DPYD: variants seen among roughly 807,000 people sequenced by gnomAD.
DPYD encodes dihydropyrimidine dehydrogenase.
Under a neutral mutation model 116.2 loss-of-function variants are expected in DPYD, and 109 were observed. The ratio of observed to expected loss-of-function variants is 0.94; its 90% CI spans 0.80 to 1.10. The LOEUF is 1.10. Ranked by LOEUF, DPYD falls within the 50% of genes least tolerant of loss-of-function variation. The pLI, the probability that DPYD is intolerant of heterozygous loss-of-function variation, is 0.00. For missense variants in DPYD, 1,302 were observed against 1,254.5 expected, an observed-to-expected ratio of 1.04 and a Z score of -0.57; for synonymous variants, 440 against 432.0, an observed-to-expected ratio of 1.02 and a Z score of -0.23.
In DPYD at chr1:97,082,373, T is replaced by C. The variant is rs762779297; in HGVS notation, c.2864A>G (p.Asn955Ser). The C allele has an allele frequency of 1.1e-5, 18 of 1,613,506 alleles. No homozygotes were observed. Among genetic ancestry groups the C allele is most frequent in the East Asian group, 2.2e-5 (1 of 44,850 alleles). ...VAMIDEEMCI[N>S]CGKCYMTCND... ...ACAGGTCATGTAGCATTTACCACAGTTGATACACATTTCTTCATCAATCAT... is the reference window on the plus strand; with the variant it reads ...ACAGGTCATGTAGCATTTACCACAGCTGATACACATTTCTTCATCAATCAT... The change falls in exon 22 of 23, where the codon AAC (asparagine) becomes AGC (serine). Residue 955 changes from asparagine to serine, a missense_variant. Physicochemically the swap from Asn to Ser is conservative, Grantham distance 46. Coordinates refer to ENST00000370192, the MANE Select transcript of DPYD (RefSeq NM_000110.4).
chr1:97,330,703 C>G (rs1203204607), intron 16 of DPYD, among the ~76,000 whole-genome samples: 1 of 152,090 alleles, frequency 6.6e-6, no homozygotes, highest in Admixed American at 6.6e-5. Flanking sequence ...CCTTGGATAA[C>G]CTTTTGGGAA....
intron 12 of DPYD, among the ~76,000 whole-genome samples, chr1:97,519,819 T>C (rs1648506093): frequency 6.6e-6 from 1 of 152,162 alleles, no homozygotes; most frequent in South Asian, 2.1e-4. Context: ...AAATACTTTG[T>C]GCCTCCCTAC....
At position 97,574,104 on chromosome 1, in the gene DPYD, G is replaced by A. The variant is rs539210977; in HGVS notation, c.1129-134C>T. The A allele has an allele frequency of 4.9e-6, 7 of 1,439,062 alleles. No homozygotes were observed. In the African/African-American group the frequency reaches 5.7e-5, roughly 12 times the overall value. 89.1% of individuals were successfully genotyped at this position (1,439,062 alleles called of 1,614,324 possible). On this transcript the variant is annotated intron_variant, in intron 10 of 22. Transcript: ENST00000370192. ...TGCAGCTTTTTCTTTCACCAAACCTGAGTTTCAGTTACCAGTTATTTGCAT... is the reference window on the plus strand; with the variant it reads ...TGCAGCTTTTTCTTTCACCAAACCTAAGTTTCAGTTACCAGTTATTTGCAT...
chr1:97,592,191 T>C (rs1040347491), intron 10 of DPYD, among the ~76,000 whole-genome samples: 1 of 152,210 alleles, frequency 6.6e-6, no homozygotes, highest in Non-Finnish European at 1.5e-5. Context: ...AAATGAGTAA[T>C]TTATCTTTCT....
At chr1:97,472,719 T>A (rs1209182422) in intron 13 of DPYD, among the ~76,000 whole-genome samples, 1 of 152,198 alleles carries the variant, frequency 6.6e-6, no homozygotes, top group African/African-American at 2.4e-5. Context: ...AATTTGATTA[T>A]AAAACCATAA....
chr1:97,254,525 C>A (rs1346583312), intron 18 of DPYD, among the ~76,000 whole-genome samples: 1 of 151,882 alleles, frequency 6.6e-6, no homozygotes. Context: ...TACCTATCAA[C>A]AGAAAGAGAA....
intron 13 of DPYD, among the ~76,000 whole-genome samples, chr1:97,504,244 C>T (rs1031031828): frequency 2.0e-5 from 3 of 151,796 alleles, no homozygotes; most frequent in African/African-American, 7.3e-5. Flanking sequence ...GTTGGTGCAC[C>T]GTATACAGTG....
At chr1:97,468,499 T>C (rs1255514758) in intron 13 of DPYD, among the ~76,000 whole-genome samples, 4 of 152,128 alleles carry the variant, frequency 2.6e-5, no homozygotes, top group Admixed American at 1.3e-4. Context: ...TAACAGAAAG[T>C]GTGCCTTCAC....
intron 18 of DPYD, among the ~76,000 whole-genome samples, chr1:97,279,572 G>A (rs1665171669): frequency 6.6e-6 from 1 of 152,158 alleles, no homozygotes; most frequent in Admixed American, 6.6e-5. Flanking sequence ...GTGCAGTGGT[G>A]CGATCTTGGG....
At chr1:97,316,938 TG>T (rs904850922) in intron 16 of DPYD, among the ~76,000 whole-genome samples, 17 of 150,748 alleles carry the variant, frequency 1.1e-4, no homozygotes, top group South Asian at 4.2e-4. Context: ...AATTTTATCA[TG>T]TTTTTTTTGT....
intron 3 of DPYD, among the ~76,000 whole-genome samples, chr1:97,775,349 A>G (rs943095808): frequency 1.3e-5 from 2 of 152,194 alleles, no homozygotes; most frequent in African/African-American, 4.8e-5. Flanking sequence ...GATATATGGA[A>G]GTGAATAGGT....
intron 20 of DPYD, among the ~76,000 whole-genome samples, chr1:97,162,790 T>G (rs2101748429): frequency 6.6e-6 from 1 of 152,014 alleles, no homozygotes; most frequent in African/African-American, 2.4e-5. Flanking sequence ...GAGATATAGA[T>G]CAATGGAACA....
At chr1:97,735,967 T>C (rs1228487759) in intron 4 of DPYD, among the ~76,000 whole-genome samples, 7 of 151,982 alleles carry the variant, frequency 4.6e-5, no homozygotes, top group South Asian at 2.1e-4. Flanking sequence ...CTAAGAGTCA[T>C]TGAGAACAAA....
At chr1:97,582,642 A>C (rs1653773047) in intron 10 of DPYD, among the ~76,000 whole-genome samples, 1 of 152,234 alleles carries the variant, frequency 6.6e-6, no homozygotes, top group African/African-American at 2.4e-5. Context: ...AGGCAAAAAA[A>C]GTTTGCTGAG....
At position 97,661,279 on chromosome 1, in the gene DPYD, C is replaced by A. The variant is rs76951368; in HGVS notation, c.850+17816G>T. Among the ~76,000 whole-genome samples the A allele has an allele frequency of 4.8e-3, 734 of 152,244 alleles. 5 individuals carry two copies. The highest frequency in any genetic ancestry group is 0.017 in the African/African-American group (705 of 41,542). On this transcript the variant is annotated intron_variant, in intron 8 of 22. Transcript: ENST00000370192. ...CATAAATCCCAAGATCAAAGACTTG[C>A]CTACAGTGTTCTCTCCACCTCCTTC... is the stretch of plus-strand genomic sequence containing the variant.
chr1:97,214,342 G>T (rs77423547), intron 19 of DPYD, among the ~76,000 whole-genome samples: 4,043 of 152,164 alleles, frequency 0.027, 182 homozygotes, highest in African/African-American at 0.092. Flanking sequence ...GATTGTCAAG[G>T]TTTTCTCCAT....
At chr1:97,556,438 C>T (rs1309128355) in intron 11 of DPYD, among the ~76,000 whole-genome samples, 1 of 148,256 alleles carries the variant, frequency 6.7e-6, no homozygotes, top group Non-Finnish European at 1.5e-5. Flanking sequence ...ATGTGCCATG[C>T]TGGTGTGCTG....
chr1:97,576,814 A>G (rs1386987676), intron 10 of DPYD, among the ~76,000 whole-genome samples: 1 of 152,178 alleles, frequency 6.6e-6, no homozygotes, highest in Non-Finnish European at 1.5e-5. Flanking sequence ...ACAGAGATTC[A>G]TCTGCATTTT....
chr1:97,908,257 G>C (rs1244727931), intron 1 of DPYD, among the ~76,000 whole-genome samples: 4 of 151,916 alleles, frequency 2.6e-5, no homozygotes, highest in Non-Finnish European at 5.9e-5. Context: ...TATTGCCCGG[G>C]CTGGTCTTGA....
Sources: allele counts gnomAD v4.1 joint callset (sites outside exome capture counted in the v4.1 genomes callset), GRCh38; gene constraint gnomAD v4.1.1; transcripts MANE v1.5; gene names NCBI Gene and HGNC (gene_info 2026-07-23, HGNC 2026-07-21).